Variants in SLC39A3 observed in about 807,000 individuals in gnomAD.
SLC39A3 encodes the protein zinc transporter ZIP3.
A neutral mutation model predicts 5.1 loss-of-function variants in SLC39A3; 3 were observed. The ratio of observed to expected loss-of-function variants is 0.59; its 90% confidence interval spans 0.27 to 1.54. The LOEUF is 1.54. SLC39A3 is among the 40% of genes most tolerant of loss of function. SLC39A3 has a pLI of 0.12. For synonymous variants in SLC39A3, 250 were observed against 218.8 expected, an observed-to-expected ratio of 1.14 and a Z score of -1.26; for missense variants, 412 against 436.4, an observed-to-expected ratio of 0.94 and a Z score of 0.50.
At position 2,732,685 on chromosome 19, in the gene SLC39A3, G is replaced by A. The variant is rs994543655; in HGVS notation, c.*66C>T. ...GCTCTTGGGGGACGCGCGGCCGGGG[G>A]ACGCGGCCTGTGTCCGGCCCGGGGC... is the stretch of plus-strand genomic sequence containing the variant. On this transcript the variant is annotated 3_prime_UTR_variant, in exon 3 of 3. Transcript: ENST00000269740. 1.4e-6 allele frequency: 2 copies of A among 1,466,784 alleles called. No homozygotes were observed. Among genetic ancestry groups the A allele is most frequent in the African/African-American group, 1.5e-5 (1 of 68,782 alleles). 90.9% of individuals were successfully genotyped at this position (1,466,784 alleles called of 1,614,324 possible). A position where few individuals can be genotyped will look rare whatever the true frequency, so the allele number is the denominator to read the frequency against.
intron 1 of SLC39A3, among the ~76,000 whole-genome samples, chr19:2,738,273 G>A (rs111469007): frequency 0.017 from 2,503 of 150,680 alleles, 64 homozygotes; most frequent in African/African-American, 0.057. Flanking sequence ...TATTTCAAGC[G>A]CTCAGTAGTC....
At position 2,734,702 on chromosome 19, in the gene SLC39A3, C is replaced by T; in HGVS notation, c.211-1217G>A. The T allele has an allele frequency of 1.0e-6, 1 of 982,142 alleles. No individual in the cohort carries two copies. Among genetic ancestry groups the T allele is most frequent in the Non-Finnish European group, 1.2e-6 (1 of 826,900 alleles). 60.8% of individuals were successfully genotyped at this position (982,142 alleles called of 1,614,324 possible). A position where few individuals can be genotyped will look rare whatever the true frequency, so the allele number is the denominator to read the frequency against. On this transcript the variant is annotated intron_variant, in intron 2 of 2. Coordinates refer to ENST00000269740, the MANE Select transcript of SLC39A3 (RefSeq NM_144564.5). The surrounding 1 kb of genome is among the most constrained non-coding windows in gnomAD (Gnocchi z 4.6). Reference sequence around the variant, plus strand: ...CCCCCCATCGTGACAACCACAATGTCCCCAGGCATCGCCCAGTGTTCCCTG... The same window carrying T: ...CCCCCCATCGTGACAACCACAATGTTCCCAGGCATCGCCCAGTGTTCCCTG...
chr19:2,736,699 G>C (rs779836123), intron 2 of SLC39A3: 14 of 1,383,860 alleles, frequency 1.0e-5, no homozygotes, highest in Middle Eastern at 2.7e-4. Flanking sequence ...GCTATAATTT[G>C]TTACGCAACA....
In SLC39A3 at chr19:2,733,386, G is replaced by C; in HGVS notation, c.310C>G (p.Leu104Val). The change falls in exon 3 of 3, where the codon CTG becomes GTG. Residue 104 changes from leucine (L) to valine (V), a missense_variant. Transcript: ENST00000269740. The surrounding 1 kb of genome is among the most constrained non-coding windows in gnomAD (Gnocchi z 6.1). ...TTCTCCTTGCGGAAGGTCAGGATCA[G>C]CTGCTCCAGGAAGACGGTCATGAAG... ...GFFMTVFLEQ[L>V]ILTFRKEKPS... 1 of 1,613,166 alleles carries C rather than the reference G, an allele frequency of 6.2e-7. No individual in the cohort carries two copies. The highest frequency in any genetic ancestry group is 8.5e-7 in the Non-Finnish European group (1 of 1,180,030).
At position 2,735,769 on chromosome 19, in the gene SLC39A3, C is replaced by A. The variant is rs778325557; in HGVS notation, c.210+1279G>T. 3.5e-5 allele frequency: 31 copies of A among 893,786 alleles called. No individual in the cohort carries two copies. Among genetic ancestry groups the A allele is most frequent in the Non-Finnish European group, 4.2e-5 (31 of 746,884 alleles). 55.4% of individuals were successfully genotyped at this position (893,786 alleles called of 1,614,324 possible). A position where few individuals can be genotyped will look rare whatever the true frequency, so the allele number is the denominator to read the frequency against. ...ACCCACACTCGAGGGGAGGGAAGAG[C>A]ATGGGGCGTGCGGAGCAGGGGCTGG... On this transcript the variant is annotated intron_variant, in intron 2 of 2. Coordinates refer to ENST00000269740, the MANE Select transcript of SLC39A3 (RefSeq NM_144564.5). The surrounding 1 kb of genome is among the most constrained non-coding windows in gnomAD (Gnocchi z 5.7).
Position 2,737,160 on chromosome 19 carries a change from T to C in SLC39A3, c.98A>G (p.Asp33Gly). The C allele has an allele frequency of 6.2e-7, 1 of 1,614,100 alleles. No homozygotes were observed. The highest frequency in any genetic ancestry group is 2.2e-5 in the East Asian group (1 of 44,872). ...TTTCGAGCGATGGGCCTTCTCAAAA[T>C]CTGTCTCGATGATCTTCACGGGGAG... Reference protein sequence around the residue: ...SLLPVKIIETDFEKAHRSKKI... With the variant: ...SLLPVKIIETGFEKAHRSKKI... The change falls in exon 2 of 3, where the codon GAT (aspartate) becomes GGT (glycine). Residue 33 changes from aspartate to glycine, a missense_variant. Coordinates refer to ENST00000269740, the MANE Select transcript of SLC39A3 (RefSeq NM_144564.5).
chr19:2,737,449 C>T, intron 1 of SLC39A3, 70 bp from the exon 2 acceptor site: 5 of 1,118,770 alleles, frequency 4.5e-6, no homozygotes, highest in Non-Finnish European at 6.1e-6. Context: ...CAGAGTCTCG[C>T]TCTGTTGCCA....
At chr19:2,738,420 T>C (rs1914445691) in intron 1 of SLC39A3, among the ~76,000 whole-genome samples, 1 of 152,064 alleles carries the variant, frequency 6.6e-6, no homozygotes, top group Non-Finnish European at 1.5e-5. Context: ...CTCTGTACCC[T>C]GAGGCTGAAG....
In SLC39A3 at chr19:2,733,126, C is replaced by T. The variant is rs1374049081; in HGVS notation, c.570G>A (p.Leu190=). Residue 190 remains leucine (L), a synonymous_variant, in exon 3 of 3, where the codon CTG becomes CTA. Coordinates refer to ENST00000269740, the MANE Select transcript of SLC39A3 (RefSeq NM_144564.5). The surrounding 1 kb of genome is among the most constrained non-coding windows in gnomAD (Gnocchi z 6.1). The part of the protein sequence containing the change: ...HSVFEGLALG[L]QEEGEKVVSL... Reference sequence around the variant, plus strand: ...TCACCACTTTCTCCCCCTCCTCCTGCAGGCCCAGGGCCAGGCCCTCAAAGA... The same window carrying T: ...TCACCACTTTCTCCCCCTCCTCCTGTAGGCCCAGGGCCAGGCCCTCAAAGA... 4.3e-6 allele frequency: 7 copies of T among 1,610,798 alleles called. No individual in the cohort carries two copies. Among genetic ancestry groups the T allele is most frequent in the Admixed American group, 1.7e-5 (1 of 59,838 alleles).
intron 1 of SLC39A3, among the ~76,000 whole-genome samples, chr19:2,738,006 C>T (rs1227922191): frequency 6.6e-6 from 1 of 151,638 alleles, no homozygotes; most frequent in African/African-American, 2.4e-5. Context: ...CGAGACCAGC[C>T]TGGACAACAT....
rs920358325 is a variant in SLC39A3 at position 2,737,217 on chromosome 19, C to A, written c.41G>T (p.Gly14Val). 16 of 1,613,942 alleles carry A rather than the reference C, an allele frequency of 9.9e-6. No individual in the cohort carries two copies. Among genetic ancestry groups the A allele is most frequent in the Non-Finnish European group, 1.2e-5 (14 of 1,180,008 alleles). ...LLVAKILCMVGVFFFMLLGSL... is the reference protein window; with the variant it reads ...LLVAKILCMVVVFFFMLLGSL... The stretch of plus-strand genomic sequence containing the variant: ...GCCGAGCAGCATGAAGAAGAACACG[C>A]CCACCATGCACAGGATTTTGGCCAC... The change falls in exon 2 of 3, where the codon GGC (glycine) becomes GTC (valine). Residue 14 changes from glycine (G) to valine (V), a missense_variant. By Grantham distance (109) the Gly-to-Val change is moderately radical. Coordinates refer to ENST00000269740, the MANE Select transcript of SLC39A3 (RefSeq NM_144564.5).
chr19:2,735,354 G>T lies in SLC39A3; in HGVS notation c.210+1694C>A. 3.3e-6 allele frequency: 1 copy of T among 302,268 alleles called. No homozygotes were observed. Among genetic ancestry groups the T allele is most frequent in the Non-Finnish European group, 4.9e-6 (1 of 205,598 alleles). The allele number at this position is 302,268 out of a possible 1,614,324, so 18.7% of individuals were successfully genotyped here. ...CAGGTGCGGGCTAGCTGGGCCCTAC[G>T]CTCCAGGTCTCGCAGGGTGTCATCA... On this transcript the variant is annotated intron_variant, in intron 2 of 2. Transcript: ENST00000269740. This position sits in a 1 kb window ranked among gnomAD's most constrained non-coding sequence, Gnocchi z 5.7.
At position 2,735,815 on chromosome 19, in the gene SLC39A3, G is replaced by T; in HGVS notation, c.210+1233C>A. 3 of 985,270 alleles carry T rather than the reference G, an allele frequency of 3.0e-6. No individual in the cohort carries two copies. The highest frequency in any genetic ancestry group is 3.6e-6 in the Non-Finnish European group (3 of 829,840). 61.0% of individuals were successfully genotyped at this position (985,270 alleles called of 1,614,324 possible). On this transcript the variant is annotated intron_variant, in intron 2 of 2. Transcript: ENST00000269740. The surrounding 1 kb of genome is among the most constrained non-coding windows in gnomAD (Gnocchi z 5.7). ...GCTGGAAGCTCAGGGAGCCACCCTG[G>T]AACTCTACTCTGCCACACTAACAGG... is the stretch of plus-strand genomic sequence containing the variant.
rs754726521 is a variant in SLC39A3 at position 2,733,207 on chromosome 19, C to T, written c.489G>A (p.Ser163=). The change falls in exon 3 of 3, where the codon TCG becomes TCA. Residue 163 remains serine (S), a synonymous_variant. Transcript: ENST00000269740. This position sits in a 1 kb window ranked among gnomAD's most constrained non-coding sequence, Gnocchi z 6.1. ...HGPSLSVQGL[S]RASPVRLLSL... ...TGAGCAGGCGCACGGGGCTGGCGCG[C>T]GAGAGGCCCTGCACGCTCAGGCTGG... 2.8e-5 allele frequency: 45 copies of T among 1,606,762 alleles called. No homozygotes were observed. The highest frequency in any genetic ancestry group is 1.6e-4 in the East Asian group (7 of 44,724).
At position 2,733,965 on chromosome 19, in the gene SLC39A3, C is replaced by A. The variant is rs942829626; in HGVS notation, c.211-480G>T. ...CAAAATAAACACATAAAGAGCTGCACTGGCCTTGCGTGTTCTGCCGCGGGG... is the reference window on the plus strand; with the variant it reads ...CAAAATAAACACATAAAGAGCTGCAATGGCCTTGCGTGTTCTGCCGCGGGG... On this transcript the variant is annotated intron_variant, in intron 2 of 2. Coordinates refer to ENST00000269740, the MANE Select transcript of SLC39A3 (RefSeq NM_144564.5). This position sits in a 1 kb window ranked among gnomAD's most constrained non-coding sequence, Gnocchi z 6.1. 6.6e-6 allele frequency among the ~76,000 whole-genome samples: 1 copy of A among 152,228 alleles called. No homozygotes were observed. Among genetic ancestry groups the A allele is most frequent in the Admixed American group, 6.5e-5 (1 of 15,288 alleles).
rs1914333945 is a variant in SLC39A3 at position 2,735,457 on chromosome 19, T to G, written c.210+1591A>C. 6.5e-6 allele frequency: 1 copy of G among 154,962 alleles called. No homozygotes were observed. The highest frequency in any genetic ancestry group is 1.4e-5 in the Non-Finnish European group (1 of 70,642). 9.6% of individuals were successfully genotyped at this position (154,962 alleles called of 1,614,324 possible). A position where few individuals can be genotyped will look rare whatever the true frequency, so the allele number is the denominator to read the frequency against. On this transcript the variant is annotated intron_variant, in intron 2 of 2. Coordinates refer to ENST00000269740, the MANE Select transcript of SLC39A3 (RefSeq NM_144564.5). This position sits in a 1 kb window ranked among gnomAD's most constrained non-coding sequence, Gnocchi z 5.7. ...GGAAGAGTCCACCTCCTGGTGGCTG[T>G]GGACTGAGGCCCCGTGTCCTGGCTG...
At chr19:2,738,305 G>GAAA (rs1568301363) in intron 1 of SLC39A3, among the ~76,000 whole-genome samples, 7 of 151,540 alleles carry the variant, frequency 4.6e-5, no homozygotes, top group African/African-American at 1.7e-4. Flanking sequence ...CTTGACTTCT[G>GAAA]TGGTTACCGT....
intron 2 of SLC39A3, chr19:2,736,636 A>G: frequency 1.1e-6 from 1 of 949,576 alleles, no homozygotes; most frequent in Non-Finnish European, 1.4e-6. Context: ...CAGACCCCTG[A>G]CTCACAGAAA....
Position 2,734,095 on chromosome 19 carries a change from C to G in SLC39A3, c.211-610G>C, listed in dbSNP as rs976582559. On this transcript the variant is annotated intron_variant, in intron 2 of 2. Coordinates refer to ENST00000269740, the MANE Select transcript of SLC39A3 (RefSeq NM_144564.5). This position sits in a 1 kb window ranked among gnomAD's most constrained non-coding sequence, Gnocchi z 4.6. ...TGGTGGGGAGAAACTAGACGTGGGTCAGACGGGAGCCGCAGGGCGTCTGCA... is the reference window on the plus strand; with the variant it reads ...TGGTGGGGAGAAACTAGACGTGGGTGAGACGGGAGCCGCAGGGCGTCTGCA... Among the ~76,000 whole-genome samples, 1 of 152,218 alleles carries G rather than the reference C, an allele frequency of 6.6e-6. No individual in the cohort carries two copies. The highest frequency in any genetic ancestry group is 1.9e-4 in the East Asian group (1 of 5,182).
Sources: allele counts gnomAD v4.1 joint callset (sites outside exome capture counted in the v4.1 genomes callset), GRCh38; gene constraint gnomAD v4.1.1; non-coding constraint Gnocchi (gnomAD v3.1); transcripts MANE v1.5; gene names NCBI Gene and HGNC (gene_info 2026-07-23, HGNC 2026-07-21).